SLC4A4: variants seen among roughly 807,000 people sequenced by gnomAD.
SLC4A4 encodes the protein solute carrier family 4 member 4.
Under a neutral mutation model 111.5 loss-of-function variants are expected in SLC4A4, and 27 were observed. The observed-to-expected ratio is 0.24, with a 90% CI of 0.18 to 0.33. The LOEUF is 0.33. Among genes scored for constraint, SLC4A4 ranks in the 10% least tolerant of loss-of-function variants. The pLI, the probability that SLC4A4 is intolerant of heterozygous loss-of-function variation, is 1.00. For missense variants in SLC4A4, 909 were observed against 1,315.5 expected (o/e 0.69, Z 4.78); for synonymous variants, 443 against 463.4 (o/e 0.96, Z 0.57).
intron 1 of SLC4A4, among the ~76,000 whole-genome samples, chr4:71,227,254 T>C (rs1476604346): frequency 6.6e-6 from 1 of 152,132 alleles, no homozygotes; most frequent in Non-Finnish European, 1.5e-5. Context: ...CACGAAGGTG[T>C]GGTGGACGGT....
At chr4:71,263,278 T>C (rs918574010) in intron 3 of SLC4A4, among the ~76,000 whole-genome samples, 2 of 152,196 alleles carry the variant, frequency 1.3e-5, no homozygotes, top group Non-Finnish European at 2.9e-5. Context: ...TATGAACTCA[T>C]AATAACTTCC....
At chr4:71,386,891 CT>C in intron 6 of SLC4A4, among the ~76,000 whole-genome samples, 1 of 152,240 alleles carries the variant, frequency 6.6e-6, no homozygotes, top group South Asian at 2.1e-4. Context: ...AGAATATTTG[CT>C]TTAATGTAAG....
chr4:71,468,225 C>CA lies in SLC4A4; in HGVS notation c.1631+1651dup, dbSNP rs531606865. On this transcript the variant is annotated intron_variant, in intron 13 of 25. Coordinates refer to ENST00000264485, the MANE Select transcript of SLC4A4 (RefSeq NM_001098484.3). ...ATTCATGTTAGTTTATAGAAAGAGT[C>CA]AAACAGTTTTTATATGTTTAAGGAA... Among the ~76,000 whole-genome samples, 11 of 152,100 alleles carry CA rather than the reference C, an allele frequency of 7.2e-5. No homozygotes were observed. In the South Asian group the frequency reaches 1.5e-3, roughly 20 times the overall value.
chr4:71,200,956 G>A (rs771354969), intron 1 of SLC4A4, among the ~76,000 whole-genome samples: 25 of 152,154 alleles, frequency 1.6e-4, no homozygotes, highest in South Asian at 4.1e-4. Flanking sequence ...TGTTGAGGTC[G>A]TTGGAAACTC....
chr4:71,539,880 TCAGTTGTTA>T (rs1734889479), intron 18 of SLC4A4, among the ~76,000 whole-genome samples: 1 of 152,262 alleles, frequency 6.6e-6, no homozygotes, highest in Non-Finnish European at 1.5e-5. Context: ...CACATGGCTC[TCAGTTGTTA>T]CACTGTGTGA....
chr4:71,107,403 G>T lies in SLC4A4; in HGVS notation c.-2+14611G>T, dbSNP rs901100298. Among the ~76,000 whole-genome samples, 4 of 152,006 alleles carry T rather than the reference G, an allele frequency of 2.6e-5. No homozygotes were observed. The East Asian group carries it at 7.7e-4, about 29-fold the overall frequency. On this transcript the variant is annotated intron_variant, in intron 2 of 26. Coordinates refer to the SLC4A4 transcript ENST00000649996. ...GCTCTGTCAACCAGGCTGGAGTGCA[G>T]TGGTGCCCTCTCGGCTCATTGCAAC...
At chr4:71,383,113 C>T (rs954314762) in intron 6 of SLC4A4, among the ~76,000 whole-genome samples, 2 of 151,890 alleles carry the variant, frequency 1.3e-5, no homozygotes, top group South Asian at 2.1e-4. Flanking sequence ...TTTTTCCTAC[C>T]GAATTCATTC....
intron 3 of SLC4A4, among the ~76,000 whole-genome samples, chr4:71,270,004 G>T (rs1372331380): frequency 6.6e-6 from 1 of 152,144 alleles, no homozygotes; most frequent in Non-Finnish European, 1.5e-5. Flanking sequence ...AAATAATACA[G>T]CTTAGTGTAT....
intron 2 of SLC4A4, among the ~76,000 whole-genome samples, chr4:71,172,613 A>G (rs776118787): frequency 4.6e-5 from 7 of 152,380 alleles, no homozygotes; most frequent in Non-Finnish European, 1.0e-4. Context: ...AGTTTAAGCA[A>G]GTAAAAATTG....
At chr4:71,126,715 T>A (rs1292865700) in intron 2 of SLC4A4, among the ~76,000 whole-genome samples, 1 of 152,236 alleles carries the variant, frequency 6.6e-6, no homozygotes. Context: ...AATATGAATA[T>A]GAGGAGAGAA....
intron 7 of SLC4A4, among the ~76,000 whole-genome samples, chr4:71,430,503 C>G (rs1430912382): frequency 6.6e-6 from 1 of 152,084 alleles, no homozygotes; most frequent in Admixed American, 6.6e-5. Context: ...TGCTGTTCCT[C>G]ACATTTATCT....
At chr4:71,196,386 TTAGA>T (rs1746002059) in intron 1 of SLC4A4, among the ~76,000 whole-genome samples, 1 of 152,140 alleles carries the variant, frequency 6.6e-6, no homozygotes. Flanking sequence ...CTCAAAAGAT[TTAGA>T]TAAACTAGAT....
intron 2 of SLC4A4, among the ~76,000 whole-genome samples, chr4:71,102,018 T>G (rs530441975): frequency 6.7e-6 from 1 of 150,358 alleles, no homozygotes; most frequent in African/African-American, 2.4e-5. Flanking sequence ...AGTTGAAAAC[T>G]TTGAAAAAAA....
At chr4:71,274,432 G>T (rs1162616210) in intron 3 of SLC4A4, among the ~76,000 whole-genome samples, 1 of 152,148 alleles carries the variant, frequency 6.6e-6, no homozygotes, top group Non-Finnish European at 1.5e-5. Context: ...ATTAAAAATG[G>T]TATAAACTAG....
At chr4:71,408,556 T>G (rs1721079811) in intron 7 of SLC4A4, among the ~76,000 whole-genome samples, 1 of 152,212 alleles carries the variant, frequency 6.6e-6, no homozygotes, top group Admixed American at 6.5e-5. Context: ...TTGGAGTTCA[T>G]GCTCTTAACT....
At chr4:71,424,920 A>G (rs1186668798) in intron 7 of SLC4A4, among the ~76,000 whole-genome samples, 2 of 152,076 alleles carry the variant, frequency 1.3e-5, no homozygotes, top group Admixed American at 6.6e-5. Context: ...CAATGCACCA[A>G]CATGGCACAT....
intron 15 of SLC4A4, among the ~76,000 whole-genome samples, chr4:71,495,766 A>G (rs1730344160): frequency 6.6e-6 from 1 of 152,092 alleles, no homozygotes; most frequent in Non-Finnish European, 1.5e-5. Context: ...ATCTTTCCAC[A>G]TTTATTTGCA....
chr4:71,107,116 G>A (rs1742952491), intron 2 of SLC4A4, among the ~76,000 whole-genome samples: 1 of 151,920 alleles, frequency 6.6e-6, no homozygotes, highest in South Asian at 2.1e-4. Flanking sequence ...GATCTAAAGT[G>A]AGATATGTTA....
At chr4:71,409,199 G>GA (rs1262999679) in intron 7 of SLC4A4, among the ~76,000 whole-genome samples, 1 of 152,130 alleles carries the variant, frequency 6.6e-6, no homozygotes, top group Non-Finnish European at 1.5e-5. Context: ...GGGTGTTGCT[G>GA]AAAAAATACC....
Sources: allele counts gnomAD v4.1 joint callset (sites outside exome capture counted in the v4.1 genomes callset), GRCh38; gene constraint gnomAD v4.1.1; transcripts MANE v1.5; gene names NCBI Gene and HGNC (gene_info 2026-07-23, HGNC 2026-07-21).